The following IGSF11 variants were observed in gnomAD, a reference collection of about 807,000 sequenced individuals.
IGSF11 encodes immunoglobulin superfamily member 11.
A neutral mutation model predicts 41.0 loss-of-function variants in IGSF11; 22 were observed. The observed-to-expected ratio is 0.54, with a 90% CI of 0.38 to 0.77. IGSF11 has a LOEUF of 0.77. IGSF11 is among the 30% of genes least tolerant of loss of function. The pLI is 0.00. For missense variants in IGSF11, 444 were observed against 530.8 expected (o/e 0.84, Z 1.61); for synonymous variants, 219 against 201.3 (o/e 1.09, Z -0.74).
intron 1 of IGSF11, among the ~76,000 whole-genome samples, chr3:119,099,256 T>C (rs1461211237): frequency 1.3e-5 from 2 of 152,158 alleles, no homozygotes; most frequent in Admixed American, 1.3e-4. Flanking sequence ...AGTTCTCAAT[T>C]CAATCCAGAA....
chr3:119,085,105 GA>G (rs2076649405), intron 1 of IGSF11, among the ~76,000 whole-genome samples: 1 of 152,204 alleles, frequency 6.6e-6, no homozygotes, highest in African/African-American at 2.4e-5. Context: ...CATTGCCAAT[GA>G]TGGGAGGTGG....
intron 1 of IGSF11, among the ~76,000 whole-genome samples, chr3:119,096,524 T>C (rs926705768): frequency 1.3e-5 from 2 of 152,132 alleles, no homozygotes; most frequent in Admixed American, 6.6e-5. Context: ...CACTACTTCA[T>C]CCTGTCTGAG....
chr3:118,997,423 T>G (rs1936376550), intron 1 of IGSF11, among the ~76,000 whole-genome samples: 1 of 152,168 alleles, frequency 6.6e-6, no homozygotes, highest in African/African-American at 2.4e-5. Flanking sequence ...CAGAAACCAG[T>G]GACCTAGCAC....
intron 1 of IGSF11, among the ~76,000 whole-genome samples, chr3:118,967,372 T>C (rs1945755532): frequency 6.6e-6 from 1 of 152,210 alleles, no homozygotes; most frequent in African/African-American, 2.4e-5. Flanking sequence ...GATTTAGATA[T>C]AACTTTACAA....
intron 4 of IGSF11, among the ~76,000 whole-genome samples, chr3:118,924,694 C>A (rs1187299437): frequency 6.6e-6 from 1 of 152,058 alleles, no homozygotes; most frequent in Non-Finnish European, 1.5e-5. Flanking sequence ...GCTCTTTCTA[C>A]AGCTATTTCT....
At chr3:118,920,974 AG>A (rs532587985) in intron 4 of IGSF11, among the ~76,000 whole-genome samples, 197 of 152,274 alleles carry the variant, frequency 1.3e-3, no homozygotes, top group African/African-American at 3.7e-3. Flanking sequence ...CCTGCCTCAA[AG>A]CCTTCATATG....
Position 118,902,582 on chromosome 3 carries a change from C to T in IGSF11, c.1234G>A (p.Glu412Lys). 5 of 1,613,864 alleles carry T rather than the reference C, an allele frequency of 3.1e-6. No individual in the cohort carries two copies. The highest frequency in any genetic ancestry group is 3.4e-6 in the Non-Finnish European group (4 of 1,179,958). Residue 412 changes from glutamate (E) to lysine (K), a missense_variant, in exon 7 of 7, where the codon GAA becomes AAA. Physicochemically the swap from Glu to Lys is moderately conservative, Grantham distance 56 (BLOSUM62 1). Transcript: ENST00000393775. Reference protein sequence around the residue: ...HSYTISHATLERIGAVPVMVP... With the variant: ...HSYTISHATLKRIGAVPVMVP... ...ATGACAGGTACTGCACCAATTCGTT[C>T]CAGTGTTGCGTGGCTGATGGTGTAG... is the stretch of plus-strand genomic sequence containing the variant.
At chr3:119,011,978 CAT>C (rs572030371) in intron 1 of IGSF11, among the ~76,000 whole-genome samples, 22 of 151,618 alleles carry the variant, frequency 1.5e-4, no homozygotes, top group African/African-American at 1.7e-4. Flanking sequence ...TGTATACACA[CAT>C]ATATATAGGT....
chr3:118,943,943 T>C (rs1943911349), intron 1 of IGSF11, among the ~76,000 whole-genome samples: 1 of 152,240 alleles, frequency 6.6e-6, no homozygotes, highest in Non-Finnish European at 1.5e-5. Flanking sequence ...AGTAGAGTTA[T>C]TTATGAACAA....
At chr3:118,993,245 GTAAA>G (rs559864968) in intron 1 of IGSF11, among the ~76,000 whole-genome samples, 1 of 152,076 alleles carries the variant, frequency 6.6e-6, no homozygotes, top group Non-Finnish European at 1.5e-5. Context: ...AAATAAGTAA[GTAAA>G]TAAATAGGCA....
intron 1 of IGSF11, among the ~76,000 whole-genome samples, chr3:119,096,803 C>T (rs906139635): frequency 6.6e-6 from 1 of 152,120 alleles, no homozygotes; most frequent in Non-Finnish European, 1.5e-5. Context: ...TCTTGCAGGC[C>T]CAATTTCATC....
In IGSF11 at chr3:118,959,738, G is replaced by A. The variant is rs915229587; in HGVS notation, c.53-29463C>T. ...CCATGTGTGTTTAATTACTGCTGCTGCTGTTGTTGGTAAGAAACAACAAAT... is the reference window on the plus strand; with the variant it reads ...CCATGTGTGTTTAATTACTGCTGCTACTGTTGTTGGTAAGAAACAACAAAT... On this transcript the variant is annotated intron_variant, in intron 1 of 6. Transcript: ENST00000393775. 1.3e-4 allele frequency among the ~76,000 whole-genome samples: 20 copies of A among 152,308 alleles called. No individual in the cohort carries two copies. In the East Asian group the frequency reaches 3.1e-3, roughly 24 times the overall value.
intron 1 of IGSF11, among the ~76,000 whole-genome samples, chr3:118,973,343 G>C (rs190915697): frequency 4.6e-5 from 7 of 152,182 alleles, no homozygotes; most frequent in African/African-American, 1.7e-4. Context: ...TCCATTCAAT[G>C]CATCTAGGAT....
At chr3:119,074,583 C>T (rs887543802) in intron 1 of IGSF11, among the ~76,000 whole-genome samples, 2 of 151,076 alleles carry the variant, frequency 1.3e-5, no homozygotes, top group Non-Finnish European at 1.5e-5. Context: ...GCCAGGCACA[C>T]GAGATTACAT....
chr3:119,081,881 C>A lies in IGSF11; in HGVS notation c.49+23263G>T, dbSNP rs1003976358. On this transcript the variant is annotated intron_variant, in intron 1 of 6. Coordinates refer to the IGSF11 transcript ENST00000354673. ...GAAACCTCCTTTGGTACAAGAAACA[C>A]TTCTTGGCCTGTGAAGCCAAGGTAA... Among the ~76,000 whole-genome samples the A allele has an allele frequency of 5.6e-4, 85 of 152,148 alleles. 2 individuals carry two copies. Among genetic ancestry groups the A allele is most frequent in the Non-Finnish European group, 1.5e-4 (10 of 68,002 alleles).
intron 1 of IGSF11, among the ~76,000 whole-genome samples, chr3:119,012,343 G>A (rs1287598300): frequency 6.6e-6 from 1 of 152,136 alleles, no homozygotes; most frequent in East Asian, 1.9e-4. Flanking sequence ...CCTTTCGTGA[G>A]CTTCCCAAAT....
At chr3:119,046,124 A>C (rs961322934) in intron 1 of IGSF11, among the ~76,000 whole-genome samples, 2 of 151,272 alleles carry the variant, frequency 1.3e-5, no homozygotes, top group African/African-American at 4.9e-5. Context: ...CTCACCAGCA[A>C]CGGAACAAAG....
At chr3:119,070,221 G>GT (rs1429341930) in intron 1 of IGSF11, among the ~76,000 whole-genome samples, 1 of 152,090 alleles carries the variant, frequency 6.6e-6, no homozygotes, top group Admixed American at 6.5e-5. Flanking sequence ...TTTCAGATGT[G>GT]TTTTTTCCTT....
chr3:119,101,795 C>T (rs1045147214), intron 1 of IGSF11, among the ~76,000 whole-genome samples: 1 of 152,214 alleles, frequency 6.6e-6, no homozygotes, highest in Admixed American at 6.5e-5. Context: ...CTCTGTTTCA[C>T]TGGACGGTAT....
Sources: gnomAD v4.1 joint callset for allele counts (sites outside exome capture counted in the v4.1 genomes callset) on GRCh38, gnomAD v4.1.1 for gene constraint, MANE v1.5 for transcripts, NCBI Gene and HGNC (gene_info 2026-07-23, HGNC 2026-07-21) for gene names.